The following DOCK4 variants were observed in gnomAD, a reference collection of about 807,000 sequenced individuals.
DOCK4 encodes dedicator of cytokinesis protein 4.
Under a neutral mutation model 268.1 loss-of-function variants are expected in DOCK4, and 97 were observed. The ratio of observed to expected loss-of-function variants is 0.36; its 90% CI spans 0.31 to 0.43. The LOEUF is 0.43. Among genes scored for constraint, DOCK4 ranks in the 20% least tolerant of loss-of-function variants. The pLI is 1.00. For synonymous variants in DOCK4, 954 were observed against 887.2 expected (o/e 1.08, Z -1.34); for missense variants, 2,145 against 2,455.7 (o/e 0.87, Z 2.67).
At chr7:112,092,789 C>G (rs1210690764) in intron 1 of DOCK4, among the ~76,000 whole-genome samples, 1 of 152,126 alleles carries the variant, frequency 6.6e-6, no homozygotes, top group African/African-American at 2.4e-5. Context: ...AGTTTTGAAA[C>G]TGCACTGTCC....
chr7:112,112,269 C>G (rs1321612422), intron 1 of DOCK4, among the ~76,000 whole-genome samples: 1 of 152,116 alleles, frequency 6.6e-6, no homozygotes, highest in African/African-American at 2.4e-5. Context: ...TCTTTTGCTC[C>G]CTCTCTCACC....
chr7:112,111,261 A>C (rs888424432), intron 1 of DOCK4, among the ~76,000 whole-genome samples: 3 of 152,254 alleles, frequency 2.0e-5, no homozygotes, highest in African/African-American at 7.2e-5. Context: ...GGGGCAGGGA[A>C]GCCTTGAGGT....
chr7:112,013,659 G>A (rs528609443), intron 1 of DOCK4, among the ~76,000 whole-genome samples: 3 of 152,218 alleles, frequency 2.0e-5, no homozygotes, highest in South Asian at 2.1e-4. Flanking sequence ...CATCCTCCTC[G>A]GTCACACGTG....
intron 8 of DOCK4, among the ~76,000 whole-genome samples, chr7:111,970,861 T>C (rs1363787330): frequency 1.3e-5 from 2 of 152,184 alleles, no homozygotes; most frequent in Admixed American, 1.3e-4. Flanking sequence ...TTAGTCACTG[T>C]GAGAGGTGCC....
chr7:111,903,219 G>A (rs1791288680), intron 13 of DOCK4, among the ~76,000 whole-genome samples: 1 of 152,112 alleles, frequency 6.6e-6, no homozygotes, highest in Non-Finnish European at 1.5e-5. Context: ...TTTTTATGAT[G>A]GCATCATTTA....
intron 22 of DOCK4, 141 bp from the exon 23 acceptor site, chr7:111,863,705 C>A: frequency 1.1e-6 from 1 of 923,404 alleles, no homozygotes; most frequent in South Asian, 2.3e-5. Context: ...TTACCTAAAG[C>A]TAAAAGGTAA....
intron 30 of DOCK4, among the ~76,000 whole-genome samples, chr7:111,800,210 T>C (rs1800170044): frequency 6.8e-6 from 1 of 147,456 alleles, no homozygotes; most frequent in Non-Finnish European, 1.5e-5. Flanking sequence ...TTTTGTATGG[T>C]AAATACTTGT....
intron 1 of DOCK4, among the ~76,000 whole-genome samples, chr7:112,144,315 T>C (rs1048601182): frequency 6.6e-6 from 1 of 152,204 alleles, no homozygotes; most frequent in African/African-American, 2.4e-5. Flanking sequence ...TAAATGTTGG[T>C]TAAAGTAGCA....
chr7:111,791,737 C>T (rs1261710850), intron 30 of DOCK4, among the ~76,000 whole-genome samples: 8 of 152,058 alleles, frequency 5.3e-5, no homozygotes, highest in Admixed American at 1.3e-4. Flanking sequence ...CATGAGCTAT[C>T]GCGCCCAGCC....
At chr7:111,956,136 CTG>C (rs996473248) in intron 8 of DOCK4, among the ~76,000 whole-genome samples, 18 of 152,150 alleles carry the variant, frequency 1.2e-4, no homozygotes, top group South Asian at 2.1e-4. Context: ...ATTGTAAACA[CTG>C]TATCTTTGAC....
intron 51 of DOCK4, among the ~76,000 whole-genome samples, chr7:111,733,759 G>GAGAT (rs1795277427): frequency 6.6e-6 from 1 of 152,168 alleles, no homozygotes; most frequent in Admixed American, 6.5e-5. Flanking sequence ...CATCGTGAAT[G>GAGAT]AGATACAAAT....
At chr7:112,083,968 A>G (rs1394110102) in intron 1 of DOCK4, among the ~76,000 whole-genome samples, 2 of 152,182 alleles carry the variant, frequency 1.3e-5, no homozygotes, top group Non-Finnish European at 2.9e-5. Context: ...TGACAGCTGA[A>G]GTGCGCTTGC....
chr7:111,832,537 T>G (rs1471786073), intron 26 of DOCK4, among the ~76,000 whole-genome samples: 1 of 151,712 alleles, frequency 6.6e-6, no homozygotes, highest in African/African-American at 2.4e-5. Flanking sequence ...GCCTTGCTAT[T>G]TTTTTTTTCA....
chr7:112,003,933 A>C (rs1352427807), intron 2 of DOCK4, 115 bp downstream of exon 2: 1 of 696,120 alleles, frequency 1.4e-6, no homozygotes, highest in Non-Finnish European at 2.2e-6. Context: ...AATTTTGTCA[A>C]AAATGACTTG....
intron 5 of DOCK4, among the ~76,000 whole-genome samples, chr7:111,992,901 T>C (rs1473881584): frequency 1.3e-5 from 2 of 152,206 alleles, no homozygotes; most frequent in African/African-American, 4.8e-5. Flanking sequence ...TTTGAATTCT[T>C]TCCAACATTT....
intron 7 of DOCK4, among the ~76,000 whole-genome samples, chr7:111,983,862 G>GCGCACACACACACA: frequency 1.4e-5 from 2 of 138,648 alleles, no homozygotes; most frequent in South Asian, 2.4e-4. Context: ...GCGCGCGCGC[G>GCGCACACACACACA]CACACACACA....
intron 1 of DOCK4, among the ~76,000 whole-genome samples, chr7:112,014,151 C>T (rs1399954218): frequency 6.6e-6 from 1 of 152,178 alleles, no homozygotes; most frequent in Non-Finnish European, 1.5e-5. Context: ...GTTATTAAGT[C>T]ATGAGAAAGA....
chr7:111,942,288 C>G (rs1795276478), intron 10 of DOCK4, among the ~76,000 whole-genome samples: 1 of 152,000 alleles, frequency 6.6e-6, no homozygotes, highest in African/African-American at 2.4e-5. Context: ...GACTTAAATT[C>G]CCAGAAGTGA....
intron 25 of DOCK4, among the ~76,000 whole-genome samples, chr7:111,837,186 G>T (rs1242553733): frequency 1.3e-5 from 2 of 151,756 alleles, no homozygotes; most frequent in Admixed American, 6.6e-5. Context: ...GATGAGAAAA[G>T]ATTTCTCTTG....
Sources: gnomAD v4.1 joint callset for allele counts (sites outside exome capture counted in the v4.1 genomes callset) on GRCh38, gnomAD v4.1.1 for gene constraint, MANE v1.5 for transcripts, NCBI Gene and HGNC (gene_info 2026-07-23, HGNC 2026-07-21) for gene names.